Variants in UBN1 observed in about 807,000 individuals in gnomAD.
UBN1 encodes the protein ubinuclein-1.
In UBN1, 17 loss-of-function variants were observed where a neutral mutation model predicts 108.5. That is an observed-to-expected ratio of 0.16 (90% CI 0.11 to 0.24). UBN1 has a LOEUF of 0.24. Ranked by LOEUF, UBN1 falls within the 10% of genes least tolerant of loss-of-function variation. The pLI is 1.00. For synonymous variants in UBN1, 726 were observed against 564.2 expected (o/e 1.29, Z -4.07); for missense variants, 1,595 against 1,394.4 (o/e 1.14, Z -2.29).
At position 4,874,955 on chromosome 16, in the gene UBN1, G is replaced by C; in HGVS notation, c.2545G>C (p.Ala849Pro). Reference sequence around the variant, plus strand: ...CCTCCTGCAGTTAGTGAAGACAGCGGCCAAAGGCCAGGGCTTCCATCCCTC... The same window carrying C: ...CCTCCTGCAGTTAGTGAAGACAGCGCCCAAAGGCCAGGGCTTCCATCCCTC... ...RSLLQLVKTA[A>P]KGQGFHPSAP... The change falls in exon 15 of 18, where the codon GCC becomes CCC. Residue 849 changes from alanine (A) to proline (P), a missense_variant. Transcript: ENST00000262376. 6.2e-7 allele frequency: 1 copy of C among 1,614,126 alleles called. No homozygotes were observed. Among genetic ancestry groups the C allele is most frequent in the Non-Finnish European group, 8.5e-7 (1 of 1,180,038 alleles).
At position 4,876,888 on chromosome 16, in the gene UBN1, T is replaced by G. The variant is rs375321855; in HGVS notation, c.3042T>G (p.Thr1014=). Residue 1014 remains threonine, a synonymous_variant, in exon 16 of 18, where the codon ACT becomes ACG. Transcript: ENST00000262376. ...TTCCCTAGAAAGGAGCGAGTGGGAC[T>G]GTGCTGCTGGCCGGCTCCTCTTTGA... The part of the protein sequence containing the change: ...STSLSKGASG[T]VLLAGSSLMA... 2 of 1,608,614 alleles carry G rather than the reference T, an allele frequency of 1.2e-6. No individual in the cohort carries two copies. The highest frequency in any genetic ancestry group is 1.7e-6 in the Non-Finnish European group (2 of 1,177,092).
Position 4,877,452 on chromosome 16 carries a change from C to A in UBN1, c.3333C>A (p.Thr1111=). 1 of 1,611,664 alleles carries A rather than the reference C, an allele frequency of 6.2e-7. No individual in the cohort carries two copies. The highest frequency in any genetic ancestry group is 8.5e-7 in the Non-Finnish European group (1 of 1,179,544). ...AAPLPHAAVP[T]HIPQSLPGAS... is the part of the protein sequence containing the mutation. ...CTCTCCCACACGCTGCGGTGCCCACCCATATCCCGCAGAGTCTGCCAGGTA... is the reference window on the plus strand; with the variant it reads ...CTCTCCCACACGCTGCGGTGCCCACACATATCCCGCAGAGTCTGCCAGGTA... Residue 1111 remains threonine, a synonymous_variant, in exon 17 of 18, where the codon ACC becomes ACA. Transcript: ENST00000262376. This position sits in a 1 kb window ranked among gnomAD's most constrained non-coding sequence, Gnocchi z 4.3.
rs2088058855 is a variant in UBN1, at chr16:4,880,966, C to G, written c.*834C>G. 6.6e-6 allele frequency: 1 copy of G among 152,416 alleles called. No individual in the cohort carries two copies. Among genetic ancestry groups the G allele is most frequent in the Non-Finnish European group, 1.5e-5 (1 of 68,040 alleles). 9.4% of individuals were successfully genotyped at this position (152,416 alleles called of 1,614,324 possible). ...GACGAAGACCTTTTTAAAGATATGTCTGTATTGAAGAGAAAGCCAGTTTTG... is the reference window on the plus strand; with the variant it reads ...GACGAAGACCTTTTTAAAGATATGTGTGTATTGAAGAGAAAGCCAGTTTTG... On this transcript the variant is annotated 3_prime_UTR_variant, in exon 18 of 18. Transcript: ENST00000262376.
chr16:4,878,197 C>T (rs1053185247), intron 17 of UBN1, among the ~76,000 whole-genome samples: 2 of 152,186 alleles, frequency 1.3e-5, no homozygotes, highest in Non-Finnish European at 2.9e-5. Flanking sequence ...CTCACCCTAT[C>T]CCGAGTCTGC....
At position 4,867,323 on chromosome 16, in the gene UBN1, G is replaced by A. The variant is rs887694172; in HGVS notation, c.1111-1510G>A. Reference sequence around the variant, plus strand: ...CCCTTGAACAACACAGGGTTTAACTGCGTGGATCCACTTACACGCAGATGT... The same window carrying A: ...CCCTTGAACAACACAGGGTTTAACTACGTGGATCCACTTACACGCAGATGT... On this transcript the variant is annotated intron_variant, in intron 7 of 17. Transcript: ENST00000262376. 7.2e-5 allele frequency among the ~76,000 whole-genome samples: 11 copies of A among 152,338 alleles called. No homozygotes were observed. In the East Asian group the frequency reaches 1.9e-3, roughly 27 times the overall value.
chr16:4,868,961 GC>G (rs2087472358), intron 8 of UBN1, 58 bp downstream of exon 8: 1 of 1,594,260 alleles, frequency 6.3e-7, no homozygotes, highest in Non-Finnish European at 8.6e-7. Flanking sequence ...TGAGCTTGGG[GC>G]AAGCCAGCTA....
chr16:4,860,567 CTGGA>C, intron 6 of UBN1, 93 bp from the exon 7 acceptor site: 28 of 1,277,494 alleles, frequency 2.2e-5, no homozygotes, highest in South Asian at 7.3e-5. Flanking sequence ...ACAGGTTCTC[CTGGA>C]GACCATGACC....
At chr16:4,862,931 C>T (rs2142186319) in intron 7 of UBN1, among the ~76,000 whole-genome samples, 1 of 152,288 alleles carries the variant, frequency 6.6e-6, no homozygotes, top group South Asian at 2.1e-4. Context: ...GGGCCTGGGT[C>T]CCAGTGGGGA....
intron 7 of UBN1, 87 bp from the exon 8 acceptor site, chr16:4,868,746 G>A (rs2087459069): frequency 1.5e-6 from 2 of 1,320,866 alleles, no homozygotes; most frequent in East Asian, 4.7e-5. Flanking sequence ...TGCTCTTTAT[G>A]GAGCGATGAC....
chr16:4,859,555 G>A (rs139407753), intron 5 of UBN1, among the ~76,000 whole-genome samples: 1 of 152,334 alleles, frequency 6.6e-6, no homozygotes, highest in East Asian at 1.9e-4. Context: ...GGATCAGTGT[G>A]TTTAAAAACC....
At chr16:4,876,831 A>G (rs1451024819) in intron 15 of UBN1, 40 bp from the exon 16 acceptor site, 1 of 1,534,554 alleles carries the variant, frequency 6.5e-7, no homozygotes, top group Admixed American at 2.1e-5. Context: ...AGCCACGAAC[A>G]GGACTGGAGT....
intron 15 of UBN1, among the ~76,000 whole-genome samples, chr16:4,876,111 A>G (rs375883692): frequency 2.0e-5 from 3 of 152,012 alleles, no homozygotes; most frequent in East Asian, 3.9e-4. Context: ...GGCGTCCGCC[A>G]CCACGCCCAG....
chr16:4,872,767 C>A, intron 12 of UBN1, 117 bp from the exon 13 acceptor site: 2 of 1,230,978 alleles, frequency 1.6e-6, no homozygotes, highest in Non-Finnish European at 2.3e-6. Context: ...CTGCGCCTGG[C>A]CAGTTGACAT....
intron 12 of UBN1, among the ~76,000 whole-genome samples, chr16:4,871,850 T>C (rs574346216): frequency 4.2e-4 from 64 of 152,232 alleles, no homozygotes; most frequent in African/African-American, 1.5e-3. Context: ...CCTCCCTAAG[T>C]GCTGGGATTA....
chr16:4,849,939 AACTG>A (rs1401841735), intron 1 of UBN1, among the ~76,000 whole-genome samples: 2 of 114,590 alleles, frequency 1.7e-5, no homozygotes, highest in Non-Finnish European at 3.7e-5. Flanking sequence ...GGAGTGAGGC[AACTG>A]TCTCACAAAA....
chr16:4,870,137 T>C, intron 8 of UBN1, 75 bp from the exon 9 acceptor site: 1 of 1,595,908 alleles, frequency 6.3e-7, no homozygotes, highest in African/African-American at 1.3e-5. Flanking sequence ...AGCTTTCCTC[T>C]CCACGTACGG....
intron 14 of UBN1, among the ~76,000 whole-genome samples, chr16:4,873,991 A>G (rs1227773281): frequency 1.3e-5 from 2 of 152,298 alleles, no homozygotes; most frequent in African/African-American, 4.8e-5. Flanking sequence ...ATGCCGGGGT[A>G]AACCCAGCCC....
At chr16:4,873,461 T>A (rs1218187638) in intron 14 of UBN1, among the ~76,000 whole-genome samples, 1 of 152,160 alleles carries the variant, frequency 6.6e-6, no homozygotes, top group Non-Finnish European at 1.5e-5. Flanking sequence ...TTTACTGAGC[T>A]ACCAGGCAGA....
In UBN1 at chr16:4,877,710, A is replaced by G; in HGVS notation, c.3355+236A>G. On this transcript the variant is annotated intron_variant, in intron 17 of 17. Coordinates refer to ENST00000262376, the MANE Select transcript of UBN1 (RefSeq NM_001079514.3). This position sits in a 1 kb window ranked among gnomAD's most constrained non-coding sequence, Gnocchi z 4.3. Reference sequence around the variant, plus strand: ...CAGGTCAGCCTCAGCCTGTGTGATCACAGGGAAAGTTGCGGGGGGCAGGGT... The same window carrying G: ...CAGGTCAGCCTCAGCCTGTGTGATCGCAGGGAAAGTTGCGGGGGGCAGGGT... 2 of 1,221,562 alleles carry G rather than the reference A, an allele frequency of 1.6e-6. No individual in the cohort carries two copies. The highest frequency in any genetic ancestry group is 2.0e-6 in the Non-Finnish European group (2 of 980,732). 75.7% of individuals were successfully genotyped at this position (1,221,562 alleles called of 1,614,324 possible).
Sources: gnomAD v4.1 joint callset for allele counts (sites outside exome capture counted in the v4.1 genomes callset) on GRCh38, gnomAD v4.1.1 for gene constraint, Gnocchi (gnomAD v3.1) non-coding constraint, MANE v1.5 for transcripts, NCBI Gene and HGNC (gene_info 2026-07-23, HGNC 2026-07-21) for gene names.